TAFA5: variants seen among roughly 807,000 people sequenced by gnomAD.
The protein encoded by TAFA5 is chemokine-like protein TAFA-5.
Under a neutral mutation model 15.3 loss-of-function variants are expected in TAFA5, and 6 were observed. The ratio of observed to expected loss-of-function variants is 0.39; its 90% CI spans 0.21 to 0.77. The LOEUF (loss-of-function observed/expected upper bound fraction) is 0.77, where lower values mean the gene tolerates loss of function less well. Ranked by LOEUF, TAFA5 falls within the 30% of genes least tolerant of loss-of-function variation. The probability of loss-of-function intolerance (pLI) is 0.41; values close to 1 mark genes in which losing one functional copy is unlikely to be tolerated. For missense variants in TAFA5, 161 were observed against 193.1 expected (o/e 0.83, Z 0.98); for synonymous variants, 103 against 80.7 (o/e 1.28, Z -1.48).
intron 2 of TAFA5, among the ~76,000 whole-genome samples, chr22:48,675,392 AG>A (rs1398400862): frequency 2.6e-5 from 4 of 152,258 alleles, no homozygotes; most frequent in Admixed American, 1.3e-4. Context: ...GGGGATGCAG[AG>A]CAGCCTTCAG....
intron 3 of TAFA5, among the ~76,000 whole-genome samples, chr22:48,746,042 TG>T (rs1460367407): frequency 6.6e-6 from 1 of 152,164 alleles, no homozygotes; most frequent in Non-Finnish European, 1.5e-5. Flanking sequence ...AGCGATGGGC[TG>T]GGGTCCTTGT....
At chr22:48,611,399 T>C (rs867035393) in intron 1 of TAFA5, among the ~76,000 whole-genome samples, 1 of 152,202 alleles carries the variant, frequency 6.6e-6, no homozygotes, top group East Asian at 1.9e-4. Flanking sequence ...TTATTCAGCA[T>C]TCGTTACCTG....
At chr22:48,616,486 G>A (rs756290978) in intron 1 of TAFA5, among the ~76,000 whole-genome samples, 7 of 152,148 alleles carry the variant, frequency 4.6e-5, no homozygotes, top group African/African-American at 1.4e-4. Flanking sequence ...TCTCTAATGC[G>A]TCACCCGCCC....
intron 3 of TAFA5, among the ~76,000 whole-genome samples, chr22:48,720,265 C>G (rs547305752): frequency 6.6e-6 from 1 of 152,182 alleles, no homozygotes; most frequent in Non-Finnish European, 1.5e-5. Flanking sequence ...ATCAGTGCCT[C>G]CTTCTCCTTT....
chr22:48,632,128 C>T (rs1452619818), intron 1 of TAFA5, among the ~76,000 whole-genome samples: 3 of 152,168 alleles, frequency 2.0e-5, no homozygotes, highest in Non-Finnish European at 2.9e-5. Flanking sequence ...GAGTTGGGAG[C>T]GGCTGGGGTG....
chr22:48,519,391 C>T (rs916385258), intron 1 of TAFA5, among the ~76,000 whole-genome samples: 3 of 152,264 alleles, frequency 2.0e-5, no homozygotes, highest in African/African-American at 7.2e-5. Context: ...GGCCACGCTT[C>T]TCAGACTCAG....
chr22:48,645,406 C>A (rs532492260), intron 1 of TAFA5, among the ~76,000 whole-genome samples: 2 of 152,300 alleles, frequency 1.3e-5, no homozygotes, highest in East Asian at 3.9e-4. Context: ...GGCTGTTCAT[C>A]TTCCCGCACC....
intron 3 of TAFA5, among the ~76,000 whole-genome samples, chr22:48,741,999 A>T (rs1321881841): frequency 6.6e-6 from 1 of 152,210 alleles, no homozygotes; most frequent in Non-Finnish European, 1.5e-5. Context: ...TTTTGTTAAG[A>T]ACCCCATGGT....
At chr22:48,741,061 G>A (rs769066506) in intron 3 of TAFA5, among the ~76,000 whole-genome samples, 5 of 152,204 alleles carry the variant, frequency 3.3e-5, no homozygotes, top group Admixed American at 6.5e-5. Flanking sequence ...CCCGAGGTGC[G>A]CTCACAGCGC....
At position 48,749,830 on chromosome 22, in the gene TAFA5, G is replaced by A. The variant is rs1229650902; in HGVS notation, c.391-9G>A. On this transcript the variant is annotated splice_polypyrimidine_tract_variant and intron_variant, in intron 3 of 3. Coordinates refer to ENST00000402357, the MANE Select transcript of TAFA5 (RefSeq NM_001082967.3). Reference sequence around the variant, plus strand: ...GGAGGCTCACCCTCTCTCTCTCTTTGCTCCTCAGGTCTCCTGACAAACACA... The same window carrying A: ...GGAGGCTCACCCTCTCTCTCTCTTTACTCCTCAGGTCTCCTGACAAACACA... 6.4e-7 allele frequency: 1 copy of A among 1,561,412 alleles called. No homozygotes were observed. Among genetic ancestry groups the A allele is most frequent in the Admixed American group, 1.9e-5 (1 of 52,916 alleles).
intron 1 of TAFA5, among the ~76,000 whole-genome samples, chr22:48,585,960 A>G (rs1246343602): frequency 6.6e-6 from 1 of 152,130 alleles, no homozygotes; most frequent in East Asian, 1.9e-4. Flanking sequence ...CAAACACCAC[A>G]CAGTCTGCAG....
intron 1 of TAFA5, among the ~76,000 whole-genome samples, chr22:48,632,987 C>T (rs1284780128): frequency 6.6e-6 from 1 of 152,208 alleles, no homozygotes; most frequent in African/African-American, 2.4e-5. Flanking sequence ...ATGGTGCTCA[C>T]AGCCGTCCTC....
At chr22:48,641,798 C>CA (rs1926690167) in intron 1 of TAFA5, among the ~76,000 whole-genome samples, 1 of 152,164 alleles carries the variant, frequency 6.6e-6, no homozygotes, top group Admixed American at 6.5e-5. Flanking sequence ...GGCCACTCCC[C>CA]AAGCACTCGG....
At chr22:48,645,216 C>A (rs9617471) in intron 1 of TAFA5, among the ~76,000 whole-genome samples, 31,693 of 152,162 alleles carry the variant, frequency 0.21, 3,748 homozygotes, top group East Asian at 0.29. Flanking sequence ...GCAGCACTGG[C>A]TGAGGGACAA....
At position 48,489,846 on chromosome 22, in the gene TAFA5, G is replaced by C; in HGVS notation, c.112+142G>C. The C allele has an allele frequency of 2.2e-6, 1 of 448,062 alleles. No individual in the cohort carries two copies. The highest frequency in any genetic ancestry group is 3.8e-6 in the Non-Finnish European group (1 of 264,460). 27.8% of individuals were successfully genotyped at this position (448,062 alleles called of 1,614,324 possible). A position where few individuals can be genotyped will look rare whatever the true frequency, so the allele number is the denominator to read the frequency against. On this transcript the variant is annotated intron_variant, in intron 1 of 3. Transcript: ENST00000402357. The surrounding 1 kb of genome is among the most constrained non-coding windows in gnomAD (Gnocchi z 5.5). ...GCGCATGGTCCCCCGAGTCCCGGCC[G>C]GTCCAACGCTGCGCTGGGCGGGCGA...
chr22:48,647,638 C>G (rs977005828), intron 2 of TAFA5, among the ~76,000 whole-genome samples: 1 of 152,134 alleles, frequency 6.6e-6, no homozygotes, highest in Non-Finnish European at 1.5e-5. Context: ...GGCATTAAAT[C>G]CAGGCTGCCT....
chr22:48,672,082 T>A (rs1601660021), intron 2 of TAFA5, among the ~76,000 whole-genome samples: 1 of 152,232 alleles, frequency 6.6e-6, no homozygotes, highest in African/African-American at 2.4e-5. Flanking sequence ...TGAGATAATT[T>A]CATTATATTT....
chr22:48,624,183 T>C (rs1042056764), intron 1 of TAFA5, among the ~76,000 whole-genome samples: 1 of 152,210 alleles, frequency 6.6e-6, no homozygotes, highest in African/African-American at 2.4e-5. Flanking sequence ...ATCTGATGCT[T>C]TCCCCATGAT....
At chr22:48,699,514 G>A (rs1040894889) in intron 2 of TAFA5, among the ~76,000 whole-genome samples, 5 of 152,176 alleles carry the variant, frequency 3.3e-5, no homozygotes, top group African/African-American at 1.2e-4. Context: ...CTCTCCGTGT[G>A]TATACATTTC....
Sources: allele counts gnomAD v4.1 joint callset (sites outside exome capture counted in the v4.1 genomes callset), GRCh38; gene constraint gnomAD v4.1.1; non-coding constraint Gnocchi (gnomAD v3.1); transcripts MANE v1.5; gene names NCBI Gene and HGNC (gene_info 2026-07-23, HGNC 2026-07-21).